Variants in FEV observed in about 807,000 individuals in gnomAD.
FEV encodes protein FEV.
Under a neutral mutation model 20.5 loss-of-function variants are expected in FEV, and 14 were observed. The ratio of observed to expected loss-of-function variants is 0.68; its 90% CI spans 0.45 to 1.07. FEV has a LOEUF of 1.07. FEV is among the 50% of genes least tolerant of loss of function. The pLI is 0.00. For synonymous variants in FEV, 188 were observed against 163.7 expected, an observed-to-expected ratio of 1.15 and a Z score of -1.13; for missense variants, 301 against 345.3, an observed-to-expected ratio of 0.87 and a Z score of 1.02.
chr2:218,985,116 G>GC lies in FEV; in HGVS notation c.-42_-41insG. 7.4e-7 allele frequency: 1 copy of GC among 1,342,892 alleles called. No individual in the cohort carries two copies. Among genetic ancestry groups the GC allele is most frequent in the Non-Finnish European group, 1.0e-6 (1 of 983,006 alleles). The allele number at this position is 1,342,892 out of a possible 1,614,324, so 83.2% of individuals were successfully genotyped here. ...GGCGGTGGGAGATGGGGGGGACGGG[G>GC]AAGGGGGGCGAGGCAGGCTTTGCGC... On this transcript the variant is annotated 5_prime_UTR_variant, in exon 1 of 3. Transcript: ENST00000295727.
rs755885043 is a variant in FEV at position 218,981,244 on chromosome 2, T to C, written c.*423A>G. The C allele has an allele frequency of 1.2e-4, 28 of 231,024 alleles. No individual in the cohort carries two copies. The highest frequency in any genetic ancestry group is 1.9e-4 in the Non-Finnish European group (22 of 116,952). The allele number at this position is 231,024 out of a possible 1,614,324, so 14.3% of individuals were successfully genotyped here. A position where few individuals can be genotyped will look rare whatever the true frequency, so the allele number is the denominator to read the frequency against. On this transcript the variant is annotated 3_prime_UTR_variant, in exon 3 of 3. Transcript: ENST00000295727. The surrounding 1 kb of genome is among the most constrained non-coding windows in gnomAD (Gnocchi z 4.5). Reference sequence around the variant, plus strand: ...CCAGGAAGGAGGACCGTGAGAGGCCTCCACGTGCTGAGGTGGGAGCAGTTC... The same window carrying C: ...CCAGGAAGGAGGACCGTGAGAGGCCCCCACGTGCTGAGGTGGGAGCAGTTC...
intron 2 of FEV, among the ~76,000 whole-genome samples, chr2:218,983,810 G>A (rs1441884486): frequency 6.6e-6 from 1 of 152,214 alleles, no homozygotes; most frequent in African/African-American, 2.4e-5. Flanking sequence ...AGTCAGCGCC[G>A]GAGGGTGAAG....
intron 2 of FEV, 75 bp from the exon 3 acceptor site, chr2:218,982,331 T>C (rs1442209829): frequency 3.0e-6 from 4 of 1,339,320 alleles, no homozygotes; most frequent in Non-Finnish European, 4.0e-6. Flanking sequence ...GGCGGGAAAC[T>C]GACCCACCCC....
In FEV at chr2:218,981,721, G is replaced by A. The variant is rs1447114351; in HGVS notation, c.663C>T (p.Pro221=). The change falls in exon 3 of 3, where the codon CCC becomes CCT. Residue 221 remains proline, a synonymous_variant. Transcript: ENST00000295727. This position sits in a 1 kb window ranked among gnomAD's most constrained non-coding sequence, Gnocchi z 4.5. ...LYPSPSLQPP[P]GPFGAVAAAS... ...CTGCGGCCACGGCCCCGAAGGGCCC[G>A]GGCGGGGGCTGCAAGCTGGGACTGG... The A allele has an allele frequency of 7.5e-7, 1 of 1,334,970 alleles. No homozygotes were observed. The highest frequency in any genetic ancestry group is 3.8e-5 in the Admixed American group (1 of 26,626). The allele number at this position is 1,334,970 out of a possible 1,614,324, so 82.7% of individuals were successfully genotyped here. A position where few individuals can be genotyped will look rare whatever the true frequency, so the allele number is the denominator to read the frequency against.
At position 218,984,048 on chromosome 2, in the gene FEV, T is replaced by C. The variant is rs1405148193; in HGVS notation, c.127+183A>G. On this transcript the variant is annotated intron_variant, in intron 2 of 2. Coordinates refer to ENST00000295727, the MANE Select transcript of FEV (RefSeq NM_017521.3). The surrounding 1 kb of genome is among the most constrained non-coding windows in gnomAD (Gnocchi z 5.0). ...CTGCCTTGGCCTGCAACTCTTTTCC[T>C]GGTGCTCAGGAGATGCAGGAGCCAA... Among the ~76,000 whole-genome samples the C allele has an allele frequency of 6.6e-6, 1 of 152,202 alleles. No individual in the cohort carries two copies. The highest frequency in any genetic ancestry group is 2.4e-5 in the African/African-American group (1 of 41,450).
At chr2:218,982,454 G>A (rs1249465694) in intron 2 of FEV, among the ~76,000 whole-genome samples, 198 bp from the exon 3 acceptor site, 1 of 152,196 alleles carries the variant, frequency 6.6e-6, no homozygotes, top group Non-Finnish European at 1.5e-5. Context: ...GCCTTACCGC[G>A]CTTTTGCACA....
chr2:218,984,949 C>T lies in FEV; in HGVS notation c.52+75G>A. The T allele has an allele frequency of 7.3e-7, 1 of 1,365,834 alleles. No individual in the cohort carries two copies. Among genetic ancestry groups the T allele is most frequent in the South Asian group, 1.2e-5 (1 of 80,456 alleles). 84.6% of individuals were successfully genotyped at this position (1,365,834 alleles called of 1,614,324 possible). A position where few individuals can be genotyped will look rare whatever the true frequency, so the allele number is the denominator to read the frequency against. On this transcript the variant is annotated intron_variant, in intron 1 of 2. Coordinates refer to ENST00000295727, the MANE Select transcript of FEV (RefSeq NM_017521.3). This position sits in a 1 kb window ranked among gnomAD's most constrained non-coding sequence, Gnocchi z 5.0. ...CTTCTCCTTCCCCTGGACCCCAGCACTCTCTTCCCATGCCTGAGCCTAGAC... is the reference window on the plus strand; with the variant it reads ...CTTCTCCTTCCCCTGGACCCCAGCATTCTCTTCCCATGCCTGAGCCTAGAC...
chr2:218,981,146 G>C lies in FEV; in HGVS notation c.*521C>G, dbSNP rs767402546. 1 of 223,256 alleles carries C rather than the reference G, an allele frequency of 4.5e-6. No individual in the cohort carries two copies. The highest frequency in any genetic ancestry group is 8.9e-6 in the Non-Finnish European group (1 of 111,774). 13.8% of individuals were successfully genotyped at this position (223,256 alleles called of 1,614,324 possible). A position where few individuals can be genotyped will look rare whatever the true frequency, so the allele number is the denominator to read the frequency against. ...CAGAAACACACCGGGAGTTTCTCCT[G>C]GGAGTGTGGGGACAGGAGGAAGGGG... On this transcript the variant is annotated 3_prime_UTR_variant, in exon 3 of 3. Coordinates refer to ENST00000295727, the MANE Select transcript of FEV (RefSeq NM_017521.3). This position sits in a 1 kb window ranked among gnomAD's most constrained non-coding sequence, Gnocchi z 4.5.
In FEV at chr2:218,984,963, C is replaced by T; in HGVS notation, c.52+61G>A. 2.1e-6 allele frequency: 3 copies of T among 1,460,026 alleles called. No individual in the cohort carries two copies. The highest frequency in any genetic ancestry group is 2.8e-6 in the Non-Finnish European group (3 of 1,063,996). 90.4% of individuals were successfully genotyped at this position (1,460,026 alleles called of 1,614,324 possible). A position where few individuals can be genotyped will look rare whatever the true frequency, so the allele number is the denominator to read the frequency against. On this transcript the variant is annotated intron_variant, in intron 1 of 2. Coordinates refer to ENST00000295727, the MANE Select transcript of FEV (RefSeq NM_017521.3). The surrounding 1 kb of genome is among the most constrained non-coding windows in gnomAD (Gnocchi z 5.0). ...GGACCCCAGCACTCTCTTCCCATGC[C>T]TGAGCCTAGACTTCCCGCCCCAGGT... is the stretch of plus-strand genomic sequence containing the variant.
chr2:218,983,709 A>G (rs1277889241), intron 2 of FEV, among the ~76,000 whole-genome samples: 1 of 152,196 alleles, frequency 6.6e-6, no homozygotes, highest in Non-Finnish European at 1.5e-5. Flanking sequence ...CAAAAGGGTA[A>G]TTTAGCGACT....
At position 218,984,476 on chromosome 2, in the gene FEV, G is replaced by C. The variant is rs1381797765; in HGVS notation, c.53-171C>G. 1.2e-5 allele frequency: 7 copies of C among 591,640 alleles called. No homozygotes were observed. Among genetic ancestry groups the C allele is most frequent in the Non-Finnish European group, 2.1e-5 (7 of 338,202 alleles). 36.6% of individuals were successfully genotyped at this position (591,640 alleles called of 1,614,324 possible). A position where few individuals can be genotyped will look rare whatever the true frequency, so the allele number is the denominator to read the frequency against. On this transcript the variant is annotated intron_variant, in intron 1 of 2. Coordinates refer to ENST00000295727, the MANE Select transcript of FEV (RefSeq NM_017521.3). The surrounding 1 kb of genome is among the most constrained non-coding windows in gnomAD (Gnocchi z 5.0). ...GAGCCTGGTCCAGGCGCGCTGCGCG[G>C]AGCCCCTCCATAGAGCCCAAGTCAG...
intron 2 of FEV, among the ~76,000 whole-genome samples, chr2:218,982,986 C>T (rs1222566267): frequency 1.3e-5 from 2 of 152,222 alleles, no homozygotes; most frequent in African/African-American, 4.8e-5. Context: ...TCTGCGCTGG[C>T]CCTGAGAATT....
At chr2:218,983,400 C>G (rs1945409002) in intron 2 of FEV, among the ~76,000 whole-genome samples, 1 of 152,186 alleles carries the variant, frequency 6.6e-6, no homozygotes, top group Non-Finnish European at 1.5e-5. Context: ...CAGACGCTAC[C>G]CTTCCCCATA....
At position 218,981,685 on chromosome 2, in the gene FEV, C is replaced by G; in HGVS notation, c.699G>C (p.Leu233Phe). The G allele has an allele frequency of 7.5e-7, 1 of 1,341,640 alleles. No homozygotes were observed. Among genetic ancestry groups the G allele is most frequent in the Non-Finnish European group, 9.5e-7 (1 of 1,052,250 alleles). The allele number at this position is 1,341,640 out of a possible 1,614,324, so 83.1% of individuals were successfully genotyped here. Residue 233 changes from leucine (L) to phenylalanine (F), a missense_variant, in exon 3 of 3, where the codon TTG becomes TTC. Transcript: ENST00000295727. This position sits in a 1 kb window ranked among gnomAD's most constrained non-coding sequence, Gnocchi z 4.5. The part of the protein sequence containing the change: ...PFGAVAAASH[L>F]GGHYH ...GCCCCGTCTAGTGGTAATGGCCCCC[C>G]AAGTGCGAGGCTGCGGCCACGGCCC...
intron 2 of FEV, among the ~76,000 whole-genome samples, chr2:218,983,283 C>T (rs1382887193): frequency 3.3e-5 from 5 of 152,194 alleles, no homozygotes; most frequent in Non-Finnish European, 7.3e-5. Flanking sequence ...TACAATTACC[C>T]CCACTCCCTT....
chr2:218,982,755 G>A (rs957678214), intron 2 of FEV, among the ~76,000 whole-genome samples: 3 of 152,228 alleles, frequency 2.0e-5, no homozygotes, highest in East Asian at 3.8e-4. Context: ...GAAGGGACAG[G>A]CGTGCAGCAG....
At position 218,984,391 on chromosome 2, in the gene FEV, G is replaced by T. The variant is rs929488121; in HGVS notation, c.53-86C>A. On this transcript the variant is annotated intron_variant, in intron 1 of 2. Coordinates refer to ENST00000295727, the MANE Select transcript of FEV (RefSeq NM_017521.3). This position sits in a 1 kb window ranked among gnomAD's most constrained non-coding sequence, Gnocchi z 5.0. ...AAGGGCCCCGGGCCAAGGCTTAAGG[G>T]GGGTGCTGTGGTCCCCAGGCGCGAG... is the stretch of plus-strand genomic sequence containing the variant. The T allele has an allele frequency of 4.6e-6, 6 of 1,302,506 alleles. No homozygotes were observed. Among genetic ancestry groups the T allele is most frequent in the Non-Finnish European group, 6.3e-6 (6 of 953,352 alleles). The allele number at this position is 1,302,506 out of a possible 1,614,324, so 80.7% of individuals were successfully genotyped here.
chr2:218,984,598 G>A lies in FEV; in HGVS notation c.53-293C>T. ...AACTGCGCCAGCCGAGCTGGAGCGC[G>A]AAGAGAAGAGGAGGGTGCCTGGAGG... On this transcript the variant is annotated intron_variant, in intron 1 of 2. Transcript: ENST00000295727. This position sits in a 1 kb window ranked among gnomAD's most constrained non-coding sequence, Gnocchi z 5.0. The A allele has an allele frequency of 2.5e-6, 1 of 402,806 alleles. No homozygotes were observed. The highest frequency in any genetic ancestry group is 4.5e-6 in the Non-Finnish European group (1 of 224,282). 25.0% of individuals were successfully genotyped at this position (402,806 alleles called of 1,614,324 possible).
At chr2:218,982,344 C>T in intron 2 of FEV, 88 bp from the exon 3 acceptor site, 3 of 1,215,896 alleles carry the variant, frequency 2.5e-6, no homozygotes, top group East Asian at 2.6e-5. Context: ...CCCACCCCGG[C>T]AGGAACCGGC....
Sources: allele counts gnomAD v4.1 joint callset (sites outside exome capture counted in the v4.1 genomes callset), GRCh38; gene constraint gnomAD v4.1.1; non-coding constraint Gnocchi (gnomAD v3.1); transcripts MANE v1.5; gene names NCBI Gene and HGNC (gene_info 2026-07-23, HGNC 2026-07-21).